The following TGFBR2 variants were observed in gnomAD, a reference collection of about 807,000 sequenced individuals.
The protein encoded by TGFBR2 is TGF-beta receptor type-2.
In TGFBR2, 18 loss-of-function variants were observed where a neutral mutation model predicts 49.0. The observed-to-expected ratio is 0.37, with a 90% CI of 0.25 to 0.54. The LOEUF is 0.54. TGFBR2 is among the 20% of genes least tolerant of loss of function. The probability of loss-of-function intolerance (pLI) is 0.85; values close to 1 mark genes in which losing one functional copy is unlikely to be tolerated. For missense variants in TGFBR2, 525 were observed against 722.6 expected (o/e 0.73, Z 3.13); for synonymous variants, 282 against 275.9 (o/e 1.02, Z -0.22).
intron 3 of TGFBR2, among the ~76,000 whole-genome samples, chr3:30,663,089 C>CAT (rs1699167476): frequency 6.6e-6 from 1 of 151,986 alleles, no homozygotes; most frequent in Admixed American, 6.6e-5. Context: ...ATGTAACATG[C>CAT]CAACAAAATT....
intron 2 of TGFBR2, among the ~76,000 whole-genome samples, chr3:30,645,127 A>T (rs536530417): frequency 1.3e-5 from 2 of 152,174 alleles, no homozygotes; most frequent in African/African-American, 4.8e-5. Context: ...ATATAAACGT[A>T]TCATGATTAT....
intron 1 of TGFBR2, among the ~76,000 whole-genome samples, chr3:30,625,164 C>T (rs777447778): frequency 1.3e-5 from 2 of 152,004 alleles, no homozygotes; most frequent in Non-Finnish European, 2.9e-5. Context: ...AAATTTTGAA[C>T]ATATTAAAAA....
At chr3:30,636,151 A>ATGTGTGTGTGTGTG (rs757452663) in intron 1 of TGFBR2, among the ~76,000 whole-genome samples, 1 of 106,744 alleles carries the variant, frequency 9.4e-6, no homozygotes, top group Non-Finnish European at 2.0e-5. Context: ...GAAAATATAT[A>ATGTGTGTGTGTGTG]TGTATGTGTG....
chr3:30,606,741 GCGC>G lies in TGFBR2; in HGVS notation c.-141_-139del. 1.9e-6 allele frequency: 1 copy of G among 529,774 alleles called. No individual in the cohort carries two copies. The highest frequency in any genetic ancestry group is 3.5e-5 in the East Asian group (1 of 28,330). 32.8% of individuals were successfully genotyped at this position (529,774 alleles called of 1,614,324 possible). ...AGGCCCCCTCCTGGCTGGCGAGCGG[GCGC>G]CACATCTGGCCCGCACATCTGCGCT... On this transcript the variant is annotated 5_prime_UTR_variant, in exon 1 of 7. Transcript: ENST00000295754.
intron 1 of TGFBR2, among the ~76,000 whole-genome samples, chr3:30,616,187 G>T (rs1034811361): frequency 6.6e-6 from 1 of 152,042 alleles, no homozygotes; most frequent in Non-Finnish European, 1.5e-5. Flanking sequence ...TTTGACTAAT[G>T]GTAGGATTTG....
At chr3:30,652,232 GT>G (rs11386584) in intron 3 of TGFBR2, among the ~76,000 whole-genome samples, 36 of 97,014 alleles carry the variant, frequency 3.7e-4, no homozygotes, top group Admixed American at 8.7e-4. Flanking sequence ...TTTTCTGGTT[GT>G]TTTTTTTTTT....
At chr3:30,614,584 C>T (rs1698097287) in intron 1 of TGFBR2, among the ~76,000 whole-genome samples, 1 of 152,196 alleles carries the variant, frequency 6.6e-6, no homozygotes, top group Non-Finnish European at 1.5e-5. Context: ...TGTAGCTTTT[C>T]TCAAGAGACT....
At chr3:30,620,668 G>A (rs970970642) in intron 1 of TGFBR2, among the ~76,000 whole-genome samples, 6 of 152,058 alleles carry the variant, frequency 3.9e-5, no homozygotes, top group African/African-American at 1.4e-4. Context: ...AAGGCTCAAT[G>A]CATTATGACT....
chr3:30,646,157 C>A (rs377378289), intron 2 of TGFBR2, among the ~76,000 whole-genome samples: 25 of 152,194 alleles, frequency 1.6e-4, no homozygotes, highest in African/African-American at 5.8e-4. Flanking sequence ...CATTTGAGAC[C>A]CCTAGACCAT....
At chr3:30,663,883 C>T (rs1465156162) in intron 3 of TGFBR2, among the ~76,000 whole-genome samples, 1 of 148,516 alleles carries the variant, frequency 6.7e-6, no homozygotes, top group Non-Finnish European at 1.5e-5. Flanking sequence ...AGAGTAATTT[C>T]TCTAGTTTTG....
Position 30,672,386 on chromosome 3 carries a change from C to T in TGFBR2, c.1203C>T (p.Ser401=), listed in dbSNP as rs2125436880. The T allele has an allele frequency of 6.2e-7, 1 of 1,614,168 alleles. No homozygotes were observed. Among genetic ancestry groups the T allele is most frequent in the Non-Finnish European group, 8.5e-7 (1 of 1,180,018 alleles). The stretch of plus-strand genomic sequence containing the variant: ...GCTGCCTGTGTGACTTTGGGCTTTC[C>T]CTGCGTCTGGACCCTACTCTGTCTG... The part of the protein sequence containing the change: ...LTCCLCDFGL[S]LRLDPTLSVD... Residue 401 remains serine (S), a synonymous_variant, in exon 4 of 7, where the codon TCC becomes TCT. Transcript: ENST00000295754. The surrounding 1 kb of genome is among the most constrained non-coding windows in gnomAD (Gnocchi z 4.5).
At chr3:30,660,968 GGA>G (rs944866927) in intron 3 of TGFBR2, among the ~76,000 whole-genome samples, 21 of 152,190 alleles carry the variant, frequency 1.4e-4, no homozygotes, top group African/African-American at 5.1e-4. Context: ...GGAAAGCCAG[GGA>G]GAGAGAGAGG....
chr3:30,648,615 T>C (rs1002796794), intron 2 of TGFBR2, among the ~76,000 whole-genome samples: 2 of 152,188 alleles, frequency 1.3e-5, no homozygotes, highest in Non-Finnish European at 2.9e-5. Context: ...TTTCATTTGG[T>C]GTCCTGATAG....
intron 1 of TGFBR2, among the ~76,000 whole-genome samples, chr3:30,612,395 G>A (rs566770149): frequency 6.6e-5 from 10 of 152,250 alleles, no homozygotes; most frequent in Admixed American, 4.6e-4. Context: ...GTGTGTATGC[G>A]TGTGTTGGGA....
At chr3:30,610,193 TC>T (rs1451403657) in intron 1 of TGFBR2, among the ~76,000 whole-genome samples, 1 of 152,222 alleles carries the variant, frequency 6.6e-6, no homozygotes, top group African/African-American at 2.4e-5. Flanking sequence ...ACAGACCTGG[TC>T]TTTGCCATTG....
At position 30,643,252 on chromosome 3, in the gene TGFBR2, C is replaced by G. The variant is rs540157884; in HGVS notation, c.95-1495C>G. Among the ~76,000 whole-genome samples, 4 of 152,330 alleles carry G rather than the reference C, an allele frequency of 2.6e-5. No individual in the cohort carries two copies. In the East Asian group the frequency reaches 7.7e-4, roughly 29 times the overall value. On this transcript the variant is annotated intron_variant, in intron 1 of 6. Coordinates refer to ENST00000295754, the MANE Select transcript of TGFBR2 (RefSeq NM_003242.6). Reference sequence around the variant, plus strand: ...GGTTATGCCTTGGAAAAGTACCTCACAACTTTCTGTGGCCCAGCAACTGTT... The same window carrying G: ...GGTTATGCCTTGGAAAAGTACCTCAGAACTTTCTGTGGCCCAGCAACTGTT...
In TGFBR2 at chr3:30,676,125, A is replaced by G. The variant is rs1297802127; in HGVS notation, c.1396+1879A>G. Reference sequence around the variant, plus strand: ...TACATATTTTGGGCAAAATTACCACAGAAATGATAGTGTGCCTATCTTCAG... The same window carrying G: ...TACATATTTTGGGCAAAATTACCACGGAAATGATAGTGTGCCTATCTTCAG... On this transcript the variant is annotated intron_variant, in intron 5 of 6. Coordinates refer to ENST00000295754, the MANE Select transcript of TGFBR2 (RefSeq NM_003242.6). The surrounding 1 kb of genome is among the most constrained non-coding windows in gnomAD (Gnocchi z 4.3). Among the ~76,000 whole-genome samples the G allele has an allele frequency of 6.6e-6, 1 of 152,246 alleles. No homozygotes were observed. The highest frequency in any genetic ancestry group is 1.5e-5 in the Non-Finnish European group (1 of 68,032).
chr3:30,633,244 G>C (rs1341195502), intron 1 of TGFBR2, among the ~76,000 whole-genome samples: 1 of 152,100 alleles, frequency 6.6e-6, no homozygotes, highest in Non-Finnish European at 1.5e-5. Flanking sequence ...TGACAAAATT[G>C]CATGGTGGTT....
At chr3:30,646,025 A>G (rs903100511) in intron 2 of TGFBR2, among the ~76,000 whole-genome samples, 1 of 152,228 alleles carries the variant, frequency 6.6e-6, no homozygotes, top group Non-Finnish European at 1.5e-5. Flanking sequence ...GACATTTTGC[A>G]GACTTATTCT....
Sources: allele counts gnomAD v4.1 joint callset (sites outside exome capture counted in the v4.1 genomes callset), GRCh38; gene constraint gnomAD v4.1.1; non-coding constraint Gnocchi (gnomAD v3.1); transcripts MANE v1.5; gene names NCBI Gene and HGNC (gene_info 2026-07-23, HGNC 2026-07-21).